The following TTC39B variants were observed in gnomAD, a reference collection of about 807,000 sequenced individuals.
TTC39B encodes the protein tetratricopeptide repeat domain 39B, also known as tetratricopeptide repeat protein 39B.
In TTC39B, 92 loss-of-function variants were observed where a neutral mutation model predicts 96.6. That is an observed-to-expected ratio of 0.95 (90% CI 0.80 to 1.13). The LOEUF (loss-of-function observed/expected upper bound fraction) is 1.13. Among genes scored for constraint, TTC39B ranks in the 50% most tolerant of loss-of-function variants. The pLI, the probability that TTC39B is intolerant of heterozygous loss-of-function variation, is 0.00. For missense variants in TTC39B, 955 were observed against 809.3 expected (o/e 1.18, Z -2.18); for synonymous variants, 367 against 299.4 (o/e 1.23, Z -2.33).
At chr9:15,228,282 G>C (rs1821235478) in intron 2 of TTC39B, among the ~76,000 whole-genome samples, 2 of 152,206 alleles carry the variant, frequency 1.3e-5, no homozygotes, top group African/African-American at 4.8e-5. Context: ...TGGCCAGCAT[G>C]GTGAAACCCC....
chr9:15,180,294 A>G (rs1006050225), intron 17 of TTC39B, among the ~76,000 whole-genome samples: 2 of 152,246 alleles, frequency 1.3e-5, no homozygotes, highest in African/African-American at 4.8e-5. Context: ...TTTCCCTTTT[A>G]CATAACTCTC....
chr9:15,173,001 G>A (rs1817742242), intron 19 of TTC39B, among the ~76,000 whole-genome samples: 1 of 152,178 alleles, frequency 6.6e-6, no homozygotes, highest in South Asian at 2.1e-4. Context: ...TAAAGGGAAA[G>A]TGCAGATAAT....
intron 18 of TTC39B, among the ~76,000 whole-genome samples, chr9:15,175,570 A>C (rs1817891085): frequency 6.6e-6 from 1 of 152,212 alleles, no homozygotes. Context: ...AATGGTCAAC[A>C]CTTCTGTTTT....
At chr9:15,212,406 G>T (rs1325731962) in intron 4 of TTC39B, among the ~76,000 whole-genome samples, 2 of 150,660 alleles carry the variant, frequency 1.3e-5, no homozygotes, top group African/African-American at 4.9e-5. Context: ...AATGATTCAA[G>T]TGAGGGAAAA....
At chr9:15,218,440 C>A (rs1036049853) in intron 3 of TTC39B, among the ~76,000 whole-genome samples, 24 of 151,978 alleles carry the variant, frequency 1.6e-4, no homozygotes, top group African/African-American at 5.3e-4. Context: ...ACTTTCAAGC[C>A]CTATGCAAGT....
At chr9:15,185,027 T>A (rs998910960) in intron 16 of TTC39B, among the ~76,000 whole-genome samples, 1 of 152,178 alleles carries the variant, frequency 6.6e-6, no homozygotes, top group Non-Finnish European at 1.5e-5. Flanking sequence ...TTAACTATAC[T>A]CAAAAAGTTA....
intron 3 of TTC39B, 93 bp downstream of exon 3, chr9:15,225,824 C>T (rs1821089979): frequency 5.2e-6 from 6 of 1,159,534 alleles, no homozygotes; most frequent in East Asian, 2.4e-5. Context: ...GTTTGTCAAA[C>T]GCAATGCACT....
At chr9:15,267,536 T>G (rs955561230) in intron 2 of TTC39B, among the ~76,000 whole-genome samples, 1 of 152,206 alleles carries the variant, frequency 6.6e-6, no homozygotes, top group Non-Finnish European at 1.5e-5. Flanking sequence ...TTTAGCAATT[T>G]AGAATTATTA....
At chr9:15,250,075 T>C in intron 2 of TTC39B, 2 of 1,281,190 alleles carry the variant, frequency 1.6e-6, no homozygotes, top group Admixed American at 2.4e-5. Flanking sequence ...TTTTATTCCT[T>C]GGTCTCCAGT....
At chr9:15,290,372 G>C (rs1824139454) in intron 1 of TTC39B, among the ~76,000 whole-genome samples, 1 of 152,154 alleles carries the variant, frequency 6.6e-6, no homozygotes, top group African/African-American at 2.4e-5. Context: ...TAAACAGATA[G>C]CTGCAATGAT....
In TTC39B at chr9:15,289,964, C is replaced by CCAAA. The variant is rs374984365; in HGVS notation, c.240+17116_240+17119dup. On this transcript the variant is annotated intron_variant, in intron 1 of 19. Transcript: ENST00000512701. ...ATGATGTCCAGTGTGAGAGCCAAAG[C>CCAAA]CAAACACTGACCCAAAAGCACCCGT... Among the ~76,000 whole-genome samples, 511 of 152,216 alleles carry CCAAA rather than the reference C, an allele frequency of 3.4e-3. 3 individuals are homozygous for CCAAA. Among genetic ancestry groups the CCAAA allele is most frequent in the African/African-American group, 0.012 (482 of 41,528 alleles).
chr9:15,289,697 C>T (rs1824111757), intron 1 of TTC39B, among the ~76,000 whole-genome samples: 1 of 152,166 alleles, frequency 6.6e-6, no homozygotes, highest in Non-Finnish European at 1.5e-5. Flanking sequence ...CTTTGTCCTA[C>T]TTGAGACTTT....
chr9:15,226,204 T>G (rs1451084868), intron 2 of TTC39B, among the ~76,000 whole-genome samples, 192 bp from the exon 3 acceptor site: 1 of 152,242 alleles, frequency 6.6e-6, no homozygotes. Flanking sequence ...ACAGCCCTAA[T>G]AACTTTATTT....
intron 3 of TTC39B, among the ~76,000 whole-genome samples, chr9:15,222,690 T>G (rs1360751490): frequency 6.6e-6 from 1 of 152,228 alleles, no homozygotes; most frequent in African/African-American, 2.4e-5. Flanking sequence ...GTACCCACAC[T>G]GGGCTGACAT....
At chr9:15,234,862 A>G (rs1821694969) in intron 2 of TTC39B, among the ~76,000 whole-genome samples, 1 of 151,878 alleles carries the variant, frequency 6.6e-6, no homozygotes, top group Admixed American at 6.5e-5. Flanking sequence ...ACCACTCCCT[A>G]ATCTTAAGTA....
intron 4 of TTC39B, 80 bp from the exon 5 acceptor site, chr9:15,211,477 T>G: frequency 2.1e-5 from 25 of 1,191,444 alleles, no homozygotes; most frequent in Middle Eastern, 2.1e-4. Flanking sequence ...ATGCATGTCC[T>G]GACTTGCACA....
chr9:15,210,133 A>C (rs140118980), exon 6 of TTC39B: 689 of 1,607,626 alleles, frequency 4.3e-4, no homozygotes, highest in Admixed American at 1.1e-3. Context: ...AGACTTGAGA[A>C]AGATTCTACA....
At chr9:15,207,785 A>AT (rs1554771194) in intron 6 of TTC39B, among the ~76,000 whole-genome samples, 1 of 151,604 alleles carries the variant, frequency 6.6e-6, no homozygotes, top group Non-Finnish European at 1.5e-5. Flanking sequence ...GGAGATTGAG[A>AT]CATCCTGGCT....
At chr9:15,222,962 CAA>C (rs1820929146) in intron 3 of TTC39B, among the ~76,000 whole-genome samples, 1 of 152,216 alleles carries the variant, frequency 6.6e-6, no homozygotes, top group Non-Finnish European at 1.5e-5. Flanking sequence ...AAAGTGATGA[CAA>C]AGCTCTGGCC....
Sources: gnomAD v4.1 joint callset for allele counts (sites outside exome capture counted in the v4.1 genomes callset) on GRCh38, gnomAD v4.1.1 for gene constraint, MANE v1.5 for transcripts, NCBI Gene and HGNC (gene_info 2026-07-23, HGNC 2026-07-21) for gene names.